The following LPA variants were observed in gnomAD, a reference collection of about 807,000 sequenced individuals.
LPA encodes the protein apolipoprotein(a).
A neutral mutation model predicts 197.9 loss-of-function variants in LPA; 199 were observed. The observed-to-expected ratio is 1.01, with a 90% confidence interval of 0.90 to 1.13. The LOEUF is 1.13. LPA is among the 50% of genes most tolerant of loss of function. The pLI is 0.00. For missense variants in LPA, 1,853 were observed against 1,785.8 expected (o/e 1.04, Z -0.68); for synonymous variants, 715 against 639.5 (o/e 1.12, Z -1.78).
intron 30 of LPA, among the ~76,000 whole-genome samples, chr6:160,551,359 T>G (rs754194014): frequency 3.3e-5 from 5 of 152,224 alleles, no homozygotes; most frequent in Non-Finnish European, 7.3e-5. Flanking sequence ...AAGAAATGCC[T>G]ATTCAATCTG....
rs200398362 is a variant in LPA at position 160,542,807 on chromosome 6, T to C, written c.5400A>G (p.Ala1800=). The change falls in exon 34 of 39, where the codon GCA becomes GCG. Residue 1800 remains alanine, a splice_region_variant and synonymous_variant. Transcript: ENST00000316300. ...GCTTCCCACAATCAAATGAAGAGGA[T>C]GCTGTGGCACAAGGTGGGAAAAGAA... ...LFDYCDIPLC[A]SSSFDCGKPQ... 1.1e-5 allele frequency: 18 copies of C among 1,614,008 alleles called. No homozygotes were observed. The East Asian group carries it at 4.0e-4, about 36-fold the overall frequency.
intron 28 of LPA, among the ~76,000 whole-genome samples, chr6:160,559,127 A>G (rs1778320516): frequency 6.6e-6 from 1 of 152,198 alleles, no homozygotes; most frequent in Admixed American, 6.5e-5. Context: ...CCATCACCAC[A>G]CGGAACATTT....
rs41264328 is a variant in LPA, at chr6:160,555,722, T to C, written c.4973+303A>G. On this transcript the variant is annotated intron_variant, in intron 30 of 38. Coordinates refer to ENST00000316300, the MANE Select transcript of LPA (RefSeq NM_005577.4). ...GCATGGGTGAAAGAGTGCATTGATC[T>C]TTTATGAGCCTTGTAGAATGGCACT... 1.9e-3 allele frequency among the ~76,000 whole-genome samples: 288 copies of C among 152,084 alleles called. 2 individuals carry two copies. The highest frequency in any genetic ancestry group is 6.5e-3 in the African/African-American group (270 of 41,494).
intron 4 of LPA, among the ~76,000 whole-genome samples, chr6:160,643,031 G>A (rs1440775403): frequency 8.0e-4 from 111 of 138,782 alleles, no homozygotes; most frequent in Middle Eastern, 3.6e-3. Flanking sequence ...GCGTGTCTGT[G>A]TGTGTTAGAA....
At chr6:160,636,051 C>T (rs1779810188) in intron 6 of LPA, among the ~76,000 whole-genome samples, 1 of 13,424 alleles carries the variant, frequency 7.4e-5, no homozygotes, top group Middle Eastern at 0.031. Context: ...GCAGCTACTC[C>T]GGGACTGAGG....
In LPA at chr6:160,568,677, G is replaced by A. The variant is rs1263000051; in HGVS notation, c.4631+8459C>T. On this transcript the variant is annotated intron_variant, in intron 28 of 38. Coordinates refer to ENST00000316300, the MANE Select transcript of LPA (RefSeq NM_005577.4). ...GAAGGAAATAAAGGGTATTCAGTTA[G>A]GAAAAGAGGAAGTTAAATTGTCCCT... is the stretch of plus-strand genomic sequence containing the variant. Among the ~76,000 whole-genome samples the A allele has an allele frequency of 1.1e-4, 17 of 152,312 alleles. No individual in the cohort carries two copies. In the East Asian group the frequency reaches 2.3e-3, roughly 21 times the overall value.
intron 30 of LPA, among the ~76,000 whole-genome samples, chr6:160,555,699 A>T (rs1778251266): frequency 6.6e-6 from 1 of 151,932 alleles, no homozygotes; most frequent in South Asian, 2.1e-4. Flanking sequence ...ATAGAATTGC[A>T]TGGGTGAAAG....
chr6:160,559,493 T>C (rs1296788809), intron 28 of LPA, among the ~76,000 whole-genome samples: 1 of 152,220 alleles, frequency 6.6e-6, no homozygotes, highest in African/African-American at 2.4e-5. Context: ...GAACTCTTTG[T>C]GGACTTACTT....
chr6:160,578,153 A>C (rs975224679), intron 27 of LPA, among the ~76,000 whole-genome samples: 1 of 152,210 alleles, frequency 6.6e-6, no homozygotes, highest in South Asian at 2.1e-4. Flanking sequence ...ATTGCAATGA[A>C]AAAAGTCTAC....
chr6:160,553,954 T>TGTGCGCGCGCGCGC (rs771903485), intron 30 of LPA, among the ~76,000 whole-genome samples: 1 of 130,748 alleles, frequency 7.6e-6, no homozygotes, highest in African/African-American at 3.0e-5. Flanking sequence ...TGTGTGTGTG[T>TGTGCGCGCGCGCGC]GCGCGCGCGC....
chr6:160,593,310 C>T (rs1779065724), intron 22 of LPA, among the ~76,000 whole-genome samples: 1 of 152,158 alleles, frequency 6.6e-6, no homozygotes. Context: ...CCTATGAAAA[C>T]ACTTTTCCTA....
At chr6:160,587,842 G>T (rs1219014300) in intron 24 of LPA, among the ~76,000 whole-genome samples, 1 of 146,314 alleles carries the variant, frequency 6.8e-6, no homozygotes, top group African/African-American at 2.5e-5. Flanking sequence ...GATTTGTGTA[G>T]CTCCTATTGA....
chr6:160,547,687 C>T (rs1351968611), intron 32 of LPA, 102 bp downstream of exon 32: 19 of 1,513,996 alleles, frequency 1.3e-5, no homozygotes, highest in Admixed American at 8.4e-5. Flanking sequence ...AGGCTAATTA[C>T]GCTTAGCCTC....
chr6:160,566,373 A>T (rs1386779054), intron 28 of LPA, among the ~76,000 whole-genome samples: 2 of 152,210 alleles, frequency 1.3e-5, no homozygotes, highest in Non-Finnish European at 2.9e-5. Flanking sequence ...AACTGAGAAT[A>T]TCATATCCAG....
At chr6:160,611,421 A>G in intron 16 of LPA, 141 bp downstream of exon 16, 1 of 1,494,552 alleles carries the variant, frequency 6.7e-7, no homozygotes, top group Non-Finnish European at 9.2e-7. Context: ...CTTAGCTCCA[A>G]GGAAATCATC....
intron 2 of LPA, among the ~76,000 whole-genome samples, chr6:160,648,193 C>T (rs916698398): frequency 9.9e-5 from 15 of 152,166 alleles, no homozygotes; most frequent in Non-Finnish European, 1.9e-4. Flanking sequence ...CTGATGGGAA[C>T]ACATTAGTCA....
chr6:160,559,423 A>G (rs533298144), intron 28 of LPA, among the ~76,000 whole-genome samples: 1 of 152,242 alleles, frequency 6.6e-6, no homozygotes, highest in African/African-American at 2.4e-5. Flanking sequence ...ATTGATGAAC[A>G]TTGAAATTAT....
intron 18 of LPA, among the ~76,000 whole-genome samples, chr6:160,603,333 G>C (rs539529872): frequency 6.6e-6 from 1 of 151,832 alleles, no homozygotes; most frequent in South Asian, 2.1e-4. Context: ...ATGTGTAGCT[G>C]GTTCTGTAGG....
At chr6:160,611,029 G>C (rs546136409) in intron 16 of LPA, among the ~76,000 whole-genome samples, 1 of 152,046 alleles carries the variant, frequency 6.6e-6, no homozygotes, top group Non-Finnish European at 1.5e-5. Flanking sequence ...TCCTTCCTTG[G>C]ATCTTCTCTT....
Sources: allele counts gnomAD v4.1 joint callset (sites outside exome capture counted in the v4.1 genomes callset), GRCh38; gene constraint gnomAD v4.1.1; transcripts MANE v1.5; gene names NCBI Gene and HGNC (gene_info 2026-07-23, HGNC 2026-07-21).